IL12A: variants seen among roughly 807,000 people sequenced by gnomAD.
IL12A encodes the protein interleukin 12A, also known as interleukin-12 subunit alpha.
In IL12A, 16 loss-of-function variants were observed where a neutral mutation model predicts 23.5. That is an observed-to-expected ratio of 0.68 (90% confidence interval 0.46 to 1.03). IL12A has a LOEUF of 1.03. IL12A is among the 50% of genes least tolerant of loss of function. IL12A has a pLI of 0.00. For missense variants in IL12A, 275 were observed against 307.0 expected (o/e 0.90, Z 0.78); for synonymous variants, 106 against 111.5 (o/e 0.95, Z 0.31).
At chr3:159,994,656 C>A (rs1009607633) in intron 6 of IL12A, among the ~76,000 whole-genome samples, 1 of 149,630 alleles carries the variant, frequency 6.7e-6, no homozygotes, top group Non-Finnish European at 1.5e-5. Flanking sequence ...CAATGAGCTT[C>A]ATCCAAGTAT....
Position 159,989,168 on chromosome 3 carries a change from G to T in IL12A, c.112G>T (p.Ala38Ser). Residue 38 changes from alanine to serine, a missense_variant, in exon 1 of 7, where the codon GCG becomes TCG. Ala to Ser is a moderately conservative substitution (Grantham distance 99). Transcript: ENST00000305579. ...GCAGTGCCGGCTCAGCATGTGTCCA[G>T]CGCGCAGTGAGTACTCAGCCCGCCA... The T allele has an allele frequency of 1.9e-6, 3 of 1,611,574 alleles. No individual in the cohort carries two copies. The highest frequency in any genetic ancestry group is 2.5e-6 in the Non-Finnish European group (3 of 1,179,332).
chr3:159,990,499 C>A (rs1720265417), intron 2 of IL12A, among the ~76,000 whole-genome samples, 187 bp downstream of exon 2: 1 of 152,182 alleles, frequency 6.6e-6, no homozygotes, highest in Non-Finnish European at 1.5e-5. Context: ...AATTGTGTCT[C>A]CAGAGAAAGC....
chr3:159,989,295 T>C, intron 1 of IL12A, 121 bp downstream of exon 1: 2 of 747,756 alleles, frequency 2.7e-6, no homozygotes, highest in Non-Finnish European at 4.5e-6. Flanking sequence ...AGCCGTCTCC[T>C]GCAAAGAGGA....
At position 159,993,008 on chromosome 3, in the gene IL12A, A is replaced by G; in HGVS notation, c.265-4A>G. The G allele has an allele frequency of 6.5e-7, 1 of 1,531,834 alleles. No individual in the cohort carries two copies. Among genetic ancestry groups the G allele is most frequent in the Admixed American group, 1.7e-5 (1 of 59,340 alleles). The allele number at this position is 1,531,834 out of a possible 1,614,324, so 94.9% of individuals were successfully genotyped here. On this transcript the variant is annotated splice_polypyrimidine_tract_variant and splice_region_variant and intron_variant, in intron 2 of 6. Coordinates refer to ENST00000305579, the MANE Select transcript of IL12A (RefSeq NM_000882.4). ...AAACTGAGTTTCTCCTTCATTTTTT[A>G]TAGGCCAGACAAACTCTAGAATTTT...
chr3:159,989,508 G>A (rs926184974), intron 1 of IL12A, among the ~76,000 whole-genome samples: 4 of 152,202 alleles, frequency 2.6e-5, no homozygotes, highest in African/African-American at 9.7e-5. Context: ...TTGGCCGGGT[G>A]CAATGGCTCA....
intron 2 of IL12A, among the ~76,000 whole-genome samples, chr3:159,992,244 C>T (rs191988042): frequency 6.6e-6 from 1 of 152,288 alleles, no homozygotes; most frequent in East Asian, 1.9e-4. Context: ...CCTTCCTGCC[C>T]CTCCTCAGAA....
intron 2 of IL12A, 151 bp downstream of exon 2, chr3:159,990,463 GCC>G (rs950205868): frequency 2.8e-6 from 2 of 722,760 alleles, no homozygotes; most frequent in Admixed American, 5.8e-5. Flanking sequence ...TTTACAAATG[GCC>G]CAAGTGTTAA....
chr3:159,993,528 T>C, intron 4 of IL12A, 36 bp downstream of exon 4: 1 of 1,613,802 alleles, frequency 6.2e-7, no homozygotes, highest in Non-Finnish European at 8.5e-7. Context: ...GCCTGTATGA[T>C]GAATTCATAT....
intron 1 of IL12A, 96 bp downstream of exon 1, chr3:159,989,270 G>A: frequency 1.1e-6 from 1 of 918,592 alleles, no homozygotes; most frequent in Non-Finnish European, 1.7e-6. Flanking sequence ...CCTAAGGAGA[G>A]ACTGGAACAG....
chr3:159,993,288 G>T (rs952821721), intron 3 of IL12A, 163 bp downstream of exon 3: 6 of 738,004 alleles, frequency 8.1e-6, no homozygotes, highest in Admixed American at 3.0e-5. Flanking sequence ...TTAAAAAATG[G>T]TTTTTTTTGC....
At chr3:159,994,100 T>TTTTTTTA in intron 6 of IL12A, 1 of 406,552 alleles carries the variant, frequency 2.5e-6, no homozygotes, top group South Asian at 3.4e-5. Context: ...TGCATTTTCT[T>TTTTTTTA]ATGTCAGCCT....
intron 2 of IL12A, among the ~76,000 whole-genome samples, chr3:159,991,142 G>C (rs1720293911): frequency 6.6e-6 from 1 of 152,120 alleles, no homozygotes; most frequent in Non-Finnish European, 1.5e-5. Context: ...ATTGGACAGG[G>C]GGCTCAAGTG....
intron 6 of IL12A, 77 bp downstream of exon 6, chr3:159,993,921 T>A: frequency 6.7e-7 from 1 of 1,488,364 alleles, no homozygotes; most frequent in Non-Finnish European, 9.2e-7. Context: ...TAAAGAGATA[T>A]AAAAAGAGGT....
chr3:159,992,999 T>C lies in IL12A; in HGVS notation c.265-13T>C, dbSNP rs761280149. 9 of 1,485,602 alleles carry C rather than the reference T, an allele frequency of 6.1e-6. 1 individual carries two copies. In the South Asian group the frequency reaches 9.1e-5, roughly 15 times the overall value. 92.0% of individuals were successfully genotyped at this position (1,485,602 alleles called of 1,614,324 possible). ...CAATGTTATAAACTGAGTTTCTCCT[T>C]CATTTTTTATAGGCCAGACAAACTC... is the stretch of plus-strand genomic sequence containing the variant. On this transcript the variant is annotated splice_polypyrimidine_tract_variant and intron_variant, in intron 2 of 6. Coordinates refer to ENST00000305579, the MANE Select transcript of IL12A (RefSeq NM_000882.4).
At position 159,995,455 on chromosome 3, in the gene IL12A, C is replaced by G; in HGVS notation, c.658C>G (p.Pro220Ala). The change falls in exon 7 of 7, where the codon CCG becomes GCG. Residue 220 changes from proline to alanine, a missense_variant. By Grantham distance (27) the Pro-to-Ala change is conservative. Transcript: ENST00000305579. The stretch of plus-strand genomic sequence containing the variant: ...GCCACAAAAATCCTCCCTTGAAGAA[C>G]CGGATTTTTATAAAACTAAAATCAA... 6.2e-7 allele frequency: 1 copy of G among 1,607,864 alleles called. No homozygotes were observed.
At chr3:159,989,774 C>A (rs1386595156) in intron 1 of IL12A, among the ~76,000 whole-genome samples, 2 of 152,142 alleles carry the variant, frequency 1.3e-5, no homozygotes, top group Non-Finnish European at 2.9e-5. Context: ...CAGAGTGAGA[C>A]TCCGTCTTAA....
chr3:159,990,359 G>A, intron 2 of IL12A, 47 bp downstream of exon 2: 1 of 1,587,570 alleles, frequency 6.3e-7, no homozygotes, highest in Non-Finnish European at 8.6e-7. Flanking sequence ...CCCTCCCTGA[G>A]GAAGGGGCCT....
rs1166996702 is a variant in IL12A, at chr3:159,995,506, A to G, written c.709A>G (p.Arg237Gly). ...GCTCTGCATACTTCTTCATGCTTTC[A>G]GAATTCGGGCAGTGACTATTGATAG... Residue 237 changes from arginine to glycine, a missense_variant, in exon 7 of 7, where the codon AGA (arginine) becomes GGA (glycine). Coordinates refer to ENST00000305579, the MANE Select transcript of IL12A (RefSeq NM_000882.4). The G allele has an allele frequency of 6.2e-7, 1 of 1,610,100 alleles. No homozygotes were observed. Among genetic ancestry groups the G allele is most frequent in the Non-Finnish European group, 8.5e-7 (1 of 1,178,544 alleles).
At position 159,995,533 on chromosome 3, in the gene IL12A, G is replaced by C. The variant is rs376588371; in HGVS notation, c.736G>C (p.Val246Leu). 1.2e-6 allele frequency: 2 copies of C among 1,604,380 alleles called. No homozygotes were observed. Among genetic ancestry groups the C allele is most frequent in the Non-Finnish European group, 1.7e-6 (2 of 1,176,258 alleles). ...AATTCGGGCAGTGACTATTGATAGA[G>C]TGATGAGCTATCTGAATGCTTCCTA... is the stretch of plus-strand genomic sequence containing the variant. Residue 246 changes from valine to leucine, a missense_variant, in exon 7 of 7, where the codon GTG becomes CTG. Transcript: ENST00000305579.
Sources: gnomAD v4.1 joint callset for allele counts (sites outside exome capture counted in the v4.1 genomes callset) on GRCh38, gnomAD v4.1.1 for gene constraint, MANE v1.5 for transcripts, NCBI Gene and HGNC (gene_info 2026-07-23, HGNC 2026-07-21) for gene names.